GRID2: variants seen among roughly 807,000 people sequenced by gnomAD.
GRID2 encodes glutamate receptor ionotropic, delta-2.
Under a neutral mutation model 114.8 loss-of-function variants are expected in GRID2, and 33 were observed. That is an observed-to-expected ratio of 0.29 (90% CI 0.22 to 0.38). GRID2 has a LOEUF of 0.38. Ranked by LOEUF, GRID2 falls within the 10% of genes least tolerant of loss-of-function variation. The probability of loss-of-function intolerance (pLI) is 1.00; values close to 1 mark genes in which losing one functional copy is unlikely to be tolerated. For missense variants in GRID2, 1,184 were observed against 1,257.7 expected (o/e 0.94, Z 0.89); for synonymous variants, 505 against 449.9 (o/e 1.12, Z -1.55).
At chr4:92,659,521 T>A (rs1337256311) in intron 2 of GRID2, among the ~76,000 whole-genome samples, 1 of 151,578 alleles carries the variant, frequency 6.6e-6, no homozygotes, top group Non-Finnish European at 1.5e-5. Context: ...ACTTCAAGAT[T>A]GTTGCATGAA....
rs867502810 is a variant in GRID2, at chr4:93,411,490, A to C, written c.1348-11281A>C. Among the ~76,000 whole-genome samples, 51 of 151,360 alleles carry C rather than the reference A, an allele frequency of 3.4e-4. 1 individual carries two copies. The highest frequency in any genetic ancestry group is 1.2e-3 in the African/African-American group (48 of 41,140). On this transcript the variant is annotated intron_variant, in intron 9 of 15. Coordinates refer to ENST00000282020, the MANE Select transcript of GRID2 (RefSeq NM_001510.4). ...CACTCTGTCACATAGGCTGGAGTGC[A>C]ATGCCGTGGTCCTAGCTCACTGCAA...
chr4:93,026,287 C>T (rs1192261878), intron 2 of GRID2, among the ~76,000 whole-genome samples: 1 of 151,734 alleles, frequency 6.6e-6, no homozygotes, highest in Non-Finnish European at 1.5e-5. Context: ...ATACATTGAG[C>T]TCATTATAAA....
chr4:93,316,817 G>A (rs140039984), intron 8 of GRID2, among the ~76,000 whole-genome samples: 299 of 152,170 alleles, frequency 2.0e-3, no homozygotes, highest in Middle Eastern at 3.4e-3. Context: ...ATGACAGGTG[G>A]CACCATTCCA....
chr4:93,542,320 A>C (rs145092887), intron 13 of GRID2, among the ~76,000 whole-genome samples: 192 of 152,242 alleles, frequency 1.3e-3, no homozygotes, highest in African/African-American at 4.4e-3. Context: ...ACTTGCCAGA[A>C]CTGAGCCCCA....
At chr4:93,537,118 G>T (rs1578212312) in intron 13 of GRID2, among the ~76,000 whole-genome samples, 2 of 151,400 alleles carry the variant, frequency 1.3e-5, no homozygotes, top group Admixed American at 1.3e-4. Flanking sequence ...ATTATTTTCT[G>T]ACTTGAAAAA....
chr4:92,952,547 G>A (rs1484435965), intron 2 of GRID2, among the ~76,000 whole-genome samples: 3 of 152,060 alleles, frequency 2.0e-5, no homozygotes, highest in Admixed American at 2.0e-4. Context: ...TACACAAAAG[G>A]TTCATAGTCT....
At chr4:92,594,201 GTAT>G (rs1370683049) in intron 2 of GRID2, among the ~76,000 whole-genome samples, 1 of 151,684 alleles carries the variant, frequency 6.6e-6, no homozygotes, top group African/African-American at 2.4e-5. Flanking sequence ...ATAGCACAAT[GTAT>G]TATAGGACTT....
At chr4:93,294,068 CATT>C (rs1371247794) in intron 8 of GRID2, among the ~76,000 whole-genome samples, 3 of 152,048 alleles carry the variant, frequency 2.0e-5, no homozygotes, top group Admixed American at 6.6e-5. Flanking sequence ...ACATGGATGA[CATT>C]GTTGATGAGG....
In GRID2 at chr4:93,587,554, T is replaced by A. The variant is rs187325746; in HGVS notation, c.2194-38715T>A. On this transcript the variant is annotated intron_variant, in intron 13 of 15. Coordinates refer to ENST00000282020, the MANE Select transcript of GRID2 (RefSeq NM_001510.4). ...TATTTTAAAACATGTAATTTCTTTT[T>A]TCTATCCAAAGGCTCCTTGAAATCT... Among the ~76,000 whole-genome samples, 447 of 152,232 alleles carry A rather than the reference T, an allele frequency of 2.9e-3. 5 individuals are homozygous for A. Among genetic ancestry groups the A allele is most frequent in the South Asian group, 0.027 (129 of 4,820 alleles).
chr4:92,987,530 A>C (rs1350641716), intron 2 of GRID2, among the ~76,000 whole-genome samples: 2 of 152,162 alleles, frequency 1.3e-5, no homozygotes, highest in Admixed American at 1.3e-4. Flanking sequence ...CCAACATGGC[A>C]CATGTATATA....
At position 93,037,505 on chromosome 4, in the gene GRID2, G is replaced by T. The variant is rs948522461; in HGVS notation, c.245-47490G>T. On this transcript the variant is annotated intron_variant, in intron 2 of 15. Transcript: ENST00000282020. The stretch of plus-strand genomic sequence containing the variant: ...TTGCTTGTGGTGTTTTCATCAGGAA[G>T]TCCTTGCCCATGCCTATGTCCTGAA... Among the ~76,000 whole-genome samples, 4 of 152,122 alleles carry T rather than the reference G, an allele frequency of 2.6e-5. No homozygotes were observed. The East Asian group carries it at 5.8e-4, about 22-fold the overall frequency.
At position 93,773,023 on chromosome 4, in the gene GRID2, C is replaced by T. The variant is rs1734225565; in HGVS notation, c.*525C>T. ...AACAATTTTAAGACCATTCAGGCCACATAAGATGAGAATGCAATTTTGTAG... is the reference window on the plus strand; with the variant it reads ...AACAATTTTAAGACCATTCAGGCCATATAAGATGAGAATGCAATTTTGTAG... On this transcript the variant is annotated 3_prime_UTR_variant, in exon 16 of 16. Coordinates refer to ENST00000282020, the MANE Select transcript of GRID2 (RefSeq NM_001510.4). 1 of 152,272 alleles carries T rather than the reference C, an allele frequency of 6.6e-6. No homozygotes were observed. The highest frequency in any genetic ancestry group is 6.5e-5 in the Admixed American group (1 of 15,278). 9.4% of individuals were successfully genotyped at this position (152,272 alleles called of 1,614,324 possible). A position where few individuals can be genotyped will look rare whatever the true frequency, so the allele number is the denominator to read the frequency against.
exon 2 of GRID2, chr4:93,807,296 T>G (rs930143965): frequency 6.6e-6 from 1 of 152,194 alleles, no homozygotes; most frequent in African/African-American, 2.4e-5. Flanking sequence ...TAGGGAGACA[T>G]GAAGGACCAA....
At chr4:92,864,445 A>G (rs2149438776) in intron 2 of GRID2, among the ~76,000 whole-genome samples, 1 of 152,302 alleles carries the variant, frequency 6.6e-6, no homozygotes, top group East Asian at 1.9e-4. Context: ...CTGGAATAAT[A>G]ACAAAATTTC....
At chr4:92,565,371 AT>A (rs1238430716) in intron 1 of GRID2, among the ~76,000 whole-genome samples, 1 of 151,954 alleles carries the variant, frequency 6.6e-6, no homozygotes, top group African/African-American at 2.4e-5. Flanking sequence ...AGTTTACTGA[AT>A]TCATATGCTT....
intron 4 of GRID2, among the ~76,000 whole-genome samples, chr4:93,116,750 G>A (rs930593094): frequency 2.0e-5 from 3 of 149,134 alleles, no homozygotes; most frequent in African/African-American, 7.6e-5. Context: ...GAAGGAAGAG[G>A]GTTTTTTTTT....
intron 13 of GRID2, among the ~76,000 whole-genome samples, chr4:93,577,457 A>T: frequency 6.6e-6 from 1 of 152,250 alleles, no homozygotes; most frequent in East Asian, 1.9e-4. Context: ...TTTTCCCCAA[A>T]TTCAGTCAAG....
intron 2 of GRID2, among the ~76,000 whole-genome samples, chr4:92,783,963 GA>G (rs1340521275): frequency 1.3e-5 from 2 of 151,820 alleles, no homozygotes; most frequent in African/African-American, 4.8e-5. Context: ...TGGTAATTGG[GA>G]AAAATTTTTA....
chr4:93,485,347 C>G (rs933138200), intron 11 of GRID2, among the ~76,000 whole-genome samples: 2 of 151,586 alleles, frequency 1.3e-5, no homozygotes, highest in African/African-American at 4.8e-5. Context: ...TGTCTTTTCA[C>G]TCTCTTTATG....
Sources: gnomAD v4.1 joint callset for allele counts (sites outside exome capture counted in the v4.1 genomes callset) on GRCh38, gnomAD v4.1.1 for gene constraint, MANE v1.5 for transcripts, NCBI Gene and HGNC (gene_info 2026-07-23, HGNC 2026-07-21) for gene names.